The following HPS4 variants were observed in gnomAD, a reference collection of about 807,000 sequenced individuals.
The protein encoded by HPS4 is BLOC-3 complex member HPS4.
A neutral mutation model predicts 70.3 loss-of-function variants in HPS4; 44 were observed. That is an observed-to-expected ratio of 0.63 (90% CI 0.49 to 0.80). The LOEUF (loss-of-function observed/expected upper bound fraction) is 0.80. Among genes scored for constraint, HPS4 ranks in the 30% least tolerant of loss-of-function variants. The pLI is 0.00. For synonymous variants in HPS4, 377 were observed against 355.9 expected (o/e 1.06, Z -0.67); for missense variants, 873 against 884.4 (o/e 0.99, Z 0.16).
downstream of HPS4, among the ~76,000 whole-genome samples, chr22:26,449,285 A>C (rs2085058590): frequency 6.9e-6 from 1 of 145,318 alleles, no homozygotes; most frequent in Non-Finnish European, 1.5e-5. Context: ...GGAGCTAGTG[A>C]CCTTCCTCAT....
rs760252953 is a variant in HPS4, at chr22:26,472,322, A to C, written c.481T>G (p.Trp161Gly). The C allele has an allele frequency of 1.2e-6, 2 of 1,609,556 alleles. No homozygotes were observed. Among genetic ancestry groups the C allele is most frequent in the East Asian group, 4.5e-5 (2 of 44,860 alleles). ...SDLHKIFNSLWNLDQTKVEPL... is the reference protein window; with the variant it reads ...SDLHKIFNSLGNLDQTKVEPL... Reference sequence around the variant, plus strand: ...GTTACTTTAGTTTGGTCCAAGTTCCAGAGGGAATTGAAAATCTTATGCAGA... The same window carrying C: ...GTTACTTTAGTTTGGTCCAAGTTCCCGAGGGAATTGAAAATCTTATGCAGA... The change falls in exon 6 of 14, where the codon TGG (tryptophan) becomes GGG (glycine). Residue 161 changes from tryptophan (W) to glycine (G), a missense_variant. Trp to Gly is a radical substitution (Grantham distance 184, BLOSUM62 -2). Coordinates refer to ENST00000398145, the MANE Select transcript of HPS4 (RefSeq NM_022081.6).
chr22:26,464,754 G>A lies in HPS4; in HGVS notation c.876C>T (p.Ala292=), dbSNP rs1472558938. ...QHHPKGGSTS[A]LKENATGHVE... ...CATGGCCAGTGGCGTTTTCTTTCAG[G>A]GCAGATGTGCTCCCACCCTTTGGAT... Residue 292 remains alanine (A), a synonymous_variant, in exon 11 of 14, where the codon GCC becomes GCT. Coordinates refer to ENST00000398145, the MANE Select transcript of HPS4 (RefSeq NM_022081.6). The A allele has an allele frequency of 6.3e-7, 1 of 1,588,348 alleles. No individual in the cohort carries two copies. Among genetic ancestry groups the A allele is most frequent in the East Asian group, 2.2e-5 (1 of 44,638 alleles).
At chr22:26,475,349 T>A (rs981861453) in intron 4 of HPS4, 1 of 48,526 alleles carries the variant, frequency 2.1e-5, no homozygotes. Flanking sequence ...TTAAATTTCT[T>A]TTTTTTTTTT....
chr22:26,466,117 G>A, intron 9 of HPS4, 109 bp downstream of exon 9: 1 of 1,611,050 alleles, frequency 6.2e-7, no homozygotes, highest in Non-Finnish European at 8.5e-7. Context: ...ATTATGAGCA[G>A]AGGAAATAAA....
chr22:26,468,469 G>T, intron 8 of HPS4, 82 bp downstream of exon 8: 2 of 1,239,892 alleles, frequency 1.6e-6, no homozygotes, highest in Non-Finnish European at 1.2e-6. Context: ...CACGGCCTCT[G>T]CTCCTGATCC....
Position 26,463,936 on chromosome 22 carries a change from C to T in HPS4, c.1694G>A (p.Ser565Asn). The change falls in exon 11 of 14, where the codon AGC becomes AAC. Residue 565 changes from serine (S) to asparagine (N), a missense_variant. By Grantham distance (46) the Ser-to-Asn change is conservative. Coordinates refer to ENST00000398145, the MANE Select transcript of HPS4 (RefSeq NM_022081.6). ...ACTCACCACTTCCTCTATGGCTGCG[C>T]TGTCTCCCAGCAGCGGCTCCTCAGC... ...LLAEEPLLGD[S>N]AAIEEVYHSS... 7 of 1,613,640 alleles carry T rather than the reference C, an allele frequency of 4.3e-6. No individual in the cohort carries two copies. The highest frequency in any genetic ancestry group is 4.2e-6 in the Non-Finnish European group (5 of 1,180,032).
chr22:26,479,807 T>TA (rs1428599081), intron 2 of HPS4: 4 of 476,050 alleles, frequency 8.4e-6, no homozygotes, highest in Non-Finnish European at 1.1e-5. Flanking sequence ...TGCATTCACT[T>TA]AAACATTTAC....
chr22:26,446,330 G>T (rs2084951195), downstream of HPS4, among the ~76,000 whole-genome samples: 1 of 152,198 alleles, frequency 6.6e-6, no homozygotes, highest in Non-Finnish European at 1.5e-5. Flanking sequence ...CACCCAGATT[G>T]TCTGGGTTCT....
At chr22:26,483,489 TGGGCGCAGCCCCCG>T (rs772736858) in intron 1 of HPS4, among the ~76,000 whole-genome samples, 171 bp downstream of exon 1, 2 of 152,190 alleles carry the variant, frequency 1.3e-5, no homozygotes, top group African/African-American at 2.4e-5. Context: ...AGGAAGCTGC[TGGGCGCAGCCCCCG>T]GGGCGCAGGC....
rs1413073472 is a variant in HPS4 at position 26,453,103 on chromosome 22, C to A, written c.*130G>T. The A allele has an allele frequency of 2.9e-6, 3 of 1,047,770 alleles. No homozygotes were observed. Among genetic ancestry groups the A allele is most frequent in the South Asian group, 1.4e-5 (1 of 70,654 alleles). The allele number at this position is 1,047,770 out of a possible 1,614,324, so 64.9% of individuals were successfully genotyped here. Reference sequence around the variant, plus strand: ...CAATCTGCAAAAGGAATAACAAAAACTCAAATATCATTTGGTTCCTAAAAA... The same window carrying A: ...CAATCTGCAAAAGGAATAACAAAAAATCAAATATCATTTGGTTCCTAAAAA... On this transcript the variant is annotated 3_prime_UTR_variant, in exon 14 of 14. Transcript: ENST00000398145.
At position 26,481,775 on chromosome 22, in the gene HPS4, C is replaced by A; in HGVS notation, c.-13G>T. 6.2e-7 allele frequency: 1 copy of A among 1,613,630 alleles called. No individual in the cohort carries two copies. Among genetic ancestry groups the A allele is most frequent in the South Asian group, 1.1e-5 (1 of 91,040 alleles). ...TAGAGGTGGCCATCTACTGTGCAGT[C>A]ATCCTCATTCTCTTCATTTAGGTTT... On this transcript the variant is annotated 5_prime_UTR_variant, in exon 2 of 14. An upstream start codon of the reference 5' UTR is lost. Coordinates refer to ENST00000398145, the MANE Select transcript of HPS4 (RefSeq NM_022081.6).
At chr22:26,472,766 G>A in intron 5 of HPS4, 66 bp downstream of exon 5, 1 of 1,172,510 alleles carries the variant, frequency 8.5e-7, no homozygotes, top group Non-Finnish European at 1.3e-6. Context: ...AGTAAGTGCT[G>A]CATTCTGGCA....
Position 26,481,985 on chromosome 22 carries a change from C to G in HPS4, c.-223G>C. 1 of 566,632 alleles carries G rather than the reference C, an allele frequency of 1.8e-6. No individual in the cohort carries two copies. The highest frequency in any genetic ancestry group is 3.2e-6 in the Non-Finnish European group (1 of 314,718). 35.1% of individuals were successfully genotyped at this position (566,632 alleles called of 1,614,324 possible). Reference sequence around the variant, plus strand: ...CTTCAGTTTCATGTATATTTCCATGCCTCTTACAACTCAGGGAGAAACTAT... The same window carrying G: ...CTTCAGTTTCATGTATATTTCCATGGCTCTTACAACTCAGGGAGAAACTAT... On this transcript the variant is annotated 5_prime_UTR_variant, in exon 2 of 14. Transcript: ENST00000398145.
chr22:26,466,735 T>TCTCGTTTGTTCATGCTATACCCAATCC, intron 8 of HPS4: 1 of 193,366 alleles, frequency 5.2e-6, no homozygotes, highest in Non-Finnish European at 1.1e-5. Flanking sequence ...ATACCCAATC[T>TCTCGTTTGTTCATGCTATACCCAATCC]CTCGTTTGTT....
chr22:26,476,672 G>A (rs968993215), intron 4 of HPS4: 2 of 331,744 alleles, frequency 6.0e-6, no homozygotes, highest in Non-Finnish European at 1.2e-5. Context: ...AGTAAGTGTA[G>A]AGAGCATGGA....
intron 10 of HPS4, 45 bp from the exon 11 acceptor site, chr22:26,464,871 G>A (rs369116652): frequency 4.6e-6 from 7 of 1,529,526 alleles, no homozygotes; most frequent in African/African-American, 1.4e-5. Flanking sequence ...TTGACAGACT[G>A]CAGGGCAAGT....
At chr22:26,469,533 CA>C (rs2089409232) in intron 7 of HPS4, among the ~76,000 whole-genome samples, 1 of 151,566 alleles carries the variant, frequency 6.6e-6, no homozygotes, top group Non-Finnish European at 1.5e-5. Context: ...GATTTGTTTA[CA>C]GTGAAAATGT....
chr22:26,466,162 T>C (rs1207013671), intron 9 of HPS4, 64 bp downstream of exon 9: 3 of 1,611,524 alleles, frequency 1.9e-6, no homozygotes, highest in Non-Finnish European at 2.5e-6. Context: ...GCATAACTTG[T>C]ACAGGGGTAG....
chr22:26,483,812 C>T, upstream of HPS4: 3 of 1,159,618 alleles, frequency 2.6e-6, no homozygotes, highest in Non-Finnish European at 2.2e-6. Context: ...CCCCGCCTAC[C>T]TCCCCCTCCA....
Sources: gnomAD v4.1 joint callset for allele counts (sites outside exome capture counted in the v4.1 genomes callset) on GRCh38, gnomAD v4.1.1 for gene constraint, MANE v1.5 for transcripts, NCBI Gene and HGNC (gene_info 2026-07-23, HGNC 2026-07-21) for gene names.